LRMDA: variants seen among roughly 807,000 people sequenced by gnomAD.
LRMDA encodes the protein leucine-rich melanocyte differentiation-associated protein.
In LRMDA, 18 loss-of-function variants were observed where a neutral mutation model predicts 29.8. The observed-to-expected ratio is 0.60, with a 90% CI of 0.42 to 0.90. The LOEUF (loss-of-function observed/expected upper bound fraction) is 0.90. Among genes scored for constraint, LRMDA ranks in the 40% least tolerant of loss-of-function variants. The pLI is 0.00. For missense variants in LRMDA, 273 were observed against 273.9 expected (o/e 1.00, Z 0.02); for synonymous variants, 125 against 109.4 (o/e 1.14, Z -0.89).
chr10:76,421,819 C>T (rs923436440), intron 6 of LRMDA, among the ~76,000 whole-genome samples: 7 of 152,104 alleles, frequency 4.6e-5, no homozygotes, highest in African/African-American at 1.7e-4. Flanking sequence ...GATCTTTGGG[C>T]ATTTGGTTTT....
intron 5 of LRMDA, among the ~76,000 whole-genome samples, chr10:76,144,787 G>A (rs1264196831): frequency 2.6e-5 from 4 of 152,084 alleles, no homozygotes; most frequent in Non-Finnish European, 4.4e-5. Context: ...CAAAGGGAAT[G>A]CTTCCAGTTT....
intron 6 of LRMDA, among the ~76,000 whole-genome samples, chr10:76,492,300 A>AGTCTTG (rs1393274810): frequency 3.3e-5 from 5 of 152,004 alleles, no homozygotes; most frequent in African/African-American, 7.2e-5. Flanking sequence ...TATTTATTAT[A>AGTCTTG]GTCTTCATAG....
intron 2 of LRMDA, among the ~76,000 whole-genome samples, chr10:75,908,477 A>T (rs2132373714): frequency 6.6e-6 from 1 of 152,364 alleles, no homozygotes; most frequent in South Asian, 2.1e-4. Context: ...GTTATCATGT[A>T]GTATGTCTAT....
chr10:75,841,372 A>G (rs1844538320), intron 2 of LRMDA, among the ~76,000 whole-genome samples: 1 of 152,166 alleles, frequency 6.6e-6, no homozygotes, highest in Non-Finnish European at 1.5e-5. Context: ...GTCTGTGTGA[A>G]TGATTGCCCT....
chr10:75,483,032 C>T (rs1030542939), intron 2 of LRMDA, among the ~76,000 whole-genome samples: 15 of 152,062 alleles, frequency 9.9e-5, no homozygotes, highest in African/African-American at 3.6e-4. Context: ...GCAACCATCA[C>T]CTCCCAGGCT....
chr10:75,635,579 A>T (rs543946463), intron 2 of LRMDA, among the ~76,000 whole-genome samples: 1 of 152,272 alleles, frequency 6.6e-6, no homozygotes, highest in Non-Finnish European at 1.5e-5. Context: ...CATCACCCAC[A>T]AGGGAAAGAG....
chr10:75,742,731 C>T (rs2132211287), intron 2 of LRMDA: 1 of 152,296 alleles, frequency 6.6e-6, no homozygotes, highest in East Asian at 1.9e-4. Context: ...CGAAGCCCAG[C>T]CTTCACATTG....
At chr10:76,124,370 G>A (rs755073742) in intron 5 of LRMDA, among the ~76,000 whole-genome samples, 1 of 152,206 alleles carries the variant, frequency 6.6e-6, no homozygotes, top group Non-Finnish European at 1.5e-5. Context: ...TATCATGGCT[G>A]AAATTGATGC....
In LRMDA at chr10:76,215,453, G is replaced by T. The variant is rs918143830; in HGVS notation, c.517-108948G>T. On this transcript the variant is annotated intron_variant, in intron 5 of 6. Coordinates refer to ENST00000611255, the MANE Select transcript of LRMDA (RefSeq NM_001305581.2). ...CAGAATCCTTTCAACAGAGCTTTCTGGACAGCCATTATCAAATGGCAGGTG... is the reference window on the plus strand; with the variant it reads ...CAGAATCCTTTCAACAGAGCTTTCTTGACAGCCATTATCAAATGGCAGGTG... 1.4e-4 allele frequency among the ~76,000 whole-genome samples: 22 copies of T among 152,024 alleles called. 1 individual carries two copies. The highest frequency in any genetic ancestry group is 1.4e-3 in the Admixed American group (21 of 15,268).
At chr10:76,365,107 T>TATATATATATATATATATACACACAC (rs141131236) in intron 6 of LRMDA, among the ~76,000 whole-genome samples, 17 of 61,244 alleles carry the variant, frequency 2.8e-4, no homozygotes, top group Admixed American at 1.1e-3. Context: ...TATATATATA[T>TATATATATATATATATATACACACAC]ACACACACAC....
intron 2 of LRMDA, among the ~76,000 whole-genome samples, chr10:75,847,690 A>G (rs573790524): frequency 6.6e-6 from 1 of 152,218 alleles, no homozygotes; most frequent in Non-Finnish European, 1.5e-5. Flanking sequence ...AAGGACATGA[A>G]TAGAAGTTCT....
At chr10:76,032,335 C>T (rs1053116847) in intron 2 of LRMDA, among the ~76,000 whole-genome samples, 6 of 152,208 alleles carry the variant, frequency 3.9e-5, no homozygotes, top group Non-Finnish European at 5.9e-5. Flanking sequence ...CAGGGCTGCA[C>T]GCCTGTTCGG....
intron 6 of LRMDA, among the ~76,000 whole-genome samples, chr10:76,470,057 A>T (rs974507982): frequency 2.0e-5 from 3 of 152,094 alleles, no homozygotes; most frequent in South Asian, 2.1e-4. Context: ...GAAAAAAAAT[A>T]AAAAAACTAT....
At chr10:76,494,664 TTC>T (rs901827315) in intron 6 of LRMDA, among the ~76,000 whole-genome samples, 5 of 151,886 alleles carry the variant, frequency 3.3e-5, no homozygotes, top group African/African-American at 1.2e-4. Context: ...GTTTAATTTC[TTC>T]TTTTACAAGT....
chr10:75,923,461 G>A (rs1227216762), intron 2 of LRMDA, among the ~76,000 whole-genome samples: 1 of 152,164 alleles, frequency 6.6e-6, no homozygotes, highest in Non-Finnish European at 1.5e-5. Flanking sequence ...AGCCGGGAGA[G>A]GAACTCCATA....
chr10:76,145,178 T>A (rs1564665600), intron 5 of LRMDA, among the ~76,000 whole-genome samples: 1 of 152,222 alleles, frequency 6.6e-6, no homozygotes, highest in Non-Finnish European at 1.5e-5. Context: ...CTGCCAGACT[T>A]TGGTATCAGG....
chr10:75,473,660 A>G (rs1844753493), intron 2 of LRMDA, among the ~76,000 whole-genome samples: 1 of 152,104 alleles, frequency 6.6e-6, no homozygotes, highest in Non-Finnish European at 1.5e-5. Context: ...ACTCCTTAAC[A>G]TTTCTGTGGC....
intron 2 of LRMDA, among the ~76,000 whole-genome samples, chr10:75,966,102 G>A (rs1165349554): frequency 2.0e-5 from 3 of 152,132 alleles, no homozygotes; most frequent in African/African-American, 7.2e-5. Context: ...CTAGTTTCAT[G>A]TCTTCCTATC....
At chr10:75,761,799 T>A (rs569601019) in intron 2 of LRMDA, among the ~76,000 whole-genome samples, 1 of 139,894 alleles carries the variant, frequency 7.1e-6, no homozygotes, top group South Asian at 2.1e-4. Flanking sequence ...CTTTTGTTTT[T>A]TTTTTTTTGT....
Sources: allele counts gnomAD v4.1 joint callset (sites outside exome capture counted in the v4.1 genomes callset), GRCh38; gene constraint gnomAD v4.1.1; transcripts MANE v1.5; gene names NCBI Gene and HGNC (gene_info 2026-07-23, HGNC 2026-07-21).